The following ZEB1 variants were observed in gnomAD, a reference collection of about 807,000 sequenced individuals.
ZEB1 encodes zinc finger E-box-binding homeobox 1.
In ZEB1, 21 loss-of-function variants were observed where a neutral mutation model predicts 84.9. The ratio of observed to expected loss-of-function variants is 0.25; its 90% CI spans 0.18 to 0.36. The LOEUF (loss-of-function observed/expected upper bound fraction) is 0.36, where lower values mean the gene tolerates loss of function less well. Among genes scored for constraint, ZEB1 ranks in the 10% least tolerant of loss-of-function variants. The probability of loss-of-function intolerance (pLI) is 1.00; values close to 1 mark genes in which losing one functional copy is unlikely to be tolerated. For missense variants in ZEB1, 1,104 were observed against 1,330.2 expected (o/e 0.83, Z 2.65); for synonymous variants, 420 against 471.1 (o/e 0.89, Z 1.41).
intron 1 of ZEB1, among the ~76,000 whole-genome samples, chr10:31,322,547 A>C (rs145561767): frequency 2.0e-5 from 3 of 152,332 alleles, no homozygotes; most frequent in African/African-American, 7.2e-5. Flanking sequence ...AATGTAACTG[A>C]CAGGGGTAAA....
At chr10:31,356,354 A>ATG (rs757601089) in intron 1 of ZEB1, among the ~76,000 whole-genome samples, 178 of 140,552 alleles carry the variant, frequency 1.3e-3, no homozygotes, top group African/African-American at 5.2e-3. Context: ...TATGATGTGT[A>ATG]TATATATATA....
At chr10:31,349,232 C>T (rs2040871217) in intron 1 of ZEB1, among the ~76,000 whole-genome samples, 2 of 152,132 alleles carry the variant, frequency 1.3e-5, no homozygotes, top group Admixed American at 6.6e-5. Context: ...TCATCCGTGT[C>T]GTTGCAACTG....
intron 1 of ZEB1, among the ~76,000 whole-genome samples, chr10:31,460,540 C>T (rs1287423438): frequency 6.6e-6 from 1 of 152,018 alleles, no homozygotes; most frequent in East Asian, 1.9e-4. Flanking sequence ...CCTAATTGTA[C>T]ATAAGCAATA....
At chr10:31,483,064 A>G (rs1251757667) in intron 2 of ZEB1, among the ~76,000 whole-genome samples, 1 of 152,012 alleles carries the variant, frequency 6.6e-6, no homozygotes, top group African/African-American at 2.4e-5. Context: ...TTCTGCTTTC[A>G]TTAGGCTTTT....
intron 7 of ZEB1, among the ~76,000 whole-genome samples, chr10:31,523,632 A>G (rs1327390068): frequency 1.3e-5 from 2 of 152,222 alleles, no homozygotes; most frequent in African/African-American, 4.8e-5. Flanking sequence ...CTGTTACTAT[A>G]TATTTTACAT....
Position 31,438,130 on chromosome 10 carries a change from C to T in ZEB1, c.59-22907C>T, listed in dbSNP as rs114852040. ...ATTGCCCTTGACAAGTGAAAGCGTG[C>T]GCTCTCCACGAGGCCTCCCTCCTGG... On this transcript the variant is annotated intron_variant, in intron 1 of 8. Coordinates refer to ENST00000424869, the MANE Select transcript of ZEB1 (RefSeq NM_001174096.2). 2.5e-3 allele frequency among the ~76,000 whole-genome samples: 383 copies of T among 152,300 alleles called. 4 individuals carry two copies. The highest frequency in any genetic ancestry group is 8.7e-3 in the African/African-American group (362 of 41,568).
Position 31,528,799 on chromosome 10 carries a change from GTGTTA to G in ZEB1, c.*1541_*1545del, listed in dbSNP as rs1166989866. 1.3e-5 allele frequency: 2 copies of G among 152,148 alleles called. No homozygotes were observed. The highest frequency in any genetic ancestry group is 2.4e-5 in the African/African-American group (1 of 41,430). 9.4% of individuals were successfully genotyped at this position (152,148 alleles called of 1,614,324 possible). A position where few individuals can be genotyped will look rare whatever the true frequency, so the allele number is the denominator to read the frequency against. ...TCCTGCATTGAGATTTGATTTAACA[GTGTTA>G]TGTTAACATTTATACTTGCCTTGGA... On this transcript the variant is annotated 3_prime_UTR_variant, in exon 9 of 9. Coordinates refer to ENST00000424869, the MANE Select transcript of ZEB1 (RefSeq NM_001174096.2).
At chr10:31,448,462 G>C (rs2136930510) in intron 1 of ZEB1, among the ~76,000 whole-genome samples, 2 of 148,274 alleles carry the variant, frequency 1.3e-5, no homozygotes, top group Non-Finnish European at 3.0e-5. Flanking sequence ...GTGAGGAACT[G>C]CGTTCCTTTG....
intron 1 of ZEB1, among the ~76,000 whole-genome samples, chr10:31,424,725 A>G (rs1022513886): frequency 1.3e-5 from 2 of 151,980 alleles, no homozygotes; most frequent in Non-Finnish European, 2.9e-5. Flanking sequence ...TGCTGCTCAG[A>G]TGTACCTTAT....
chr10:31,333,915 T>C (rs2037381491), intron 1 of ZEB1, among the ~76,000 whole-genome samples: 1 of 152,004 alleles, frequency 6.6e-6, no homozygotes. Context: ...GCTATATATA[T>C]CATGTAAAGT....
chr10:31,323,549 CAGTG>C (rs1287087384), intron 1 of ZEB1, among the ~76,000 whole-genome samples: 1 of 151,980 alleles, frequency 6.6e-6, no homozygotes, highest in African/African-American at 2.4e-5. Flanking sequence ...AGTTAAGAAT[CAGTG>C]AGTGCATACG....
At chr10:31,464,748 A>C (rs561820597) in intron 2 of ZEB1, among the ~76,000 whole-genome samples, 1 of 152,170 alleles carries the variant, frequency 6.6e-6, no homozygotes, top group Non-Finnish European at 1.5e-5. Flanking sequence ...CAAAAGAAAA[A>C]CACTGCTGAC....
chr10:31,466,208 A>C (rs1349028074), intron 2 of ZEB1, among the ~76,000 whole-genome samples: 1 of 152,188 alleles, frequency 6.6e-6, no homozygotes, highest in East Asian at 1.9e-4. Context: ...TAATGGAGAA[A>C]TCATCTAGAC....
At chr10:31,508,035 G>A (rs915467413) in intron 4 of ZEB1, among the ~76,000 whole-genome samples, 1 of 152,088 alleles carries the variant, frequency 6.6e-6, no homozygotes, top group African/African-American at 2.4e-5. Context: ...TGTAATTTCT[G>A]TATGATATCT....
intron 2 of ZEB1, among the ~76,000 whole-genome samples, chr10:31,476,461 T>C (rs779124802): frequency 6.6e-6 from 1 of 150,756 alleles, no homozygotes; most frequent in African/African-American, 2.5e-5. Flanking sequence ...ATTGAATCAA[T>C]AGTAAAAAAA....
intron 1 of ZEB1, among the ~76,000 whole-genome samples, chr10:31,345,410 TA>T (rs1187616398): frequency 6.6e-6 from 1 of 152,170 alleles, no homozygotes; most frequent in Admixed American, 6.6e-5. Flanking sequence ...AACTGGTAAC[TA>T]AAATTCATTT....
intron 2 of ZEB1, among the ~76,000 whole-genome samples, chr10:31,470,067 C>A (rs2063002965): frequency 6.6e-6 from 1 of 151,676 alleles, no homozygotes; most frequent in Admixed American, 6.6e-5. Context: ...ATCTGTACAT[C>A]ACCATCATCA....
At chr10:31,392,209 G>A (rs1395016222) in intron 1 of ZEB1, among the ~76,000 whole-genome samples, 1 of 152,064 alleles carries the variant, frequency 6.6e-6, no homozygotes. Context: ...GAGGCTATGT[G>A]ATAAGTTCTT....
At chr10:31,444,891 A>T (rs2059557382) in intron 1 of ZEB1, among the ~76,000 whole-genome samples, 1 of 152,058 alleles carries the variant, frequency 6.6e-6, no homozygotes, top group South Asian at 2.1e-4. Flanking sequence ...TGACTTGGCG[A>T]TGCAGGTTCT....
Sources: gnomAD v4.1 joint callset for allele counts (sites outside exome capture counted in the v4.1 genomes callset) on GRCh38, gnomAD v4.1.1 for gene constraint, MANE v1.5 for transcripts, NCBI Gene and HGNC (gene_info 2026-07-23, HGNC 2026-07-21) for gene names.